Variants in EPHB1 observed in about 807,000 individuals in gnomAD.
EPHB1 encodes the protein EPH receptor B1.
EPHB1 carries 30 observed loss-of-function variants against 94.4 expected under a neutral mutation model. The ratio of observed to expected loss-of-function variants is 0.32; its 90% confidence interval spans 0.24 to 0.43. The LOEUF is 0.43. Ranked by LOEUF, EPHB1 falls within the 20% of genes least tolerant of loss-of-function variation. The pLI, the probability that EPHB1 is intolerant of heterozygous loss-of-function variation, is 1.00. For synonymous variants in EPHB1, 522 were observed against 489.1 expected (o/e 1.07, Z -0.89); for missense variants, 1,055 against 1,308.3 (o/e 0.81, Z 2.99).
chr3:135,228,876 TCTTCTTTC>T (rs1249559154), intron 12 of EPHB1, among the ~76,000 whole-genome samples: 1 of 152,174 alleles, frequency 6.6e-6, no homozygotes. Flanking sequence ...TCTCCATGTA[TCTTCTTTC>T]CTTCTTTCCT....
chr3:135,076,261 A>ATATATATATATATATATATATATG lies in EPHB1; in HGVS notation c.806-30187_806-30186insTATATATATATATATATATATATG, dbSNP rs1553729687. On this transcript the variant is annotated intron_variant, in intron 3 of 15. Transcript: ENST00000398015. ...TATATATATATATATATATATATAT[A>ATATATATATATATATATATATATG]ACTCTTAAATGCATTAGTAAAAAGT... Among the ~76,000 whole-genome samples, 16 of 112,564 alleles carry ATATATATATATATATATATATATG rather than the reference A, an allele frequency of 1.4e-4. 1 individual carries two copies. The highest frequency in any genetic ancestry group is 2.8e-4 in the South Asian group (1 of 3,604). 73.8% of individuals were successfully genotyped at this position (112,564 alleles called of 152,430 possible).
intron 12 of EPHB1, among the ~76,000 whole-genome samples, chr3:135,203,842 T>C (rs1351839812): frequency 6.6e-6 from 1 of 152,212 alleles, no homozygotes; most frequent in Non-Finnish European, 1.5e-5. Flanking sequence ...TTATGAAAGT[T>C]AGCAAACATT....
At chr3:134,952,735 GA>G (rs1000899570) in intron 3 of EPHB1, among the ~76,000 whole-genome samples, 38 of 152,282 alleles carry the variant, frequency 2.5e-4, no homozygotes, top group African/African-American at 8.7e-4. Flanking sequence ...TTTGCAGTTT[GA>G]AAATGTCAGG....
chr3:134,893,711 A>C lies in EPHB1; in HGVS notation c.59-32105A>C, dbSNP rs116554232. Among the ~76,000 whole-genome samples the C allele has an allele frequency of 8.9e-3, 1,354 of 152,328 alleles. 19 individuals are homozygous for C. Among genetic ancestry groups the C allele is most frequent in the African/African-American group, 0.027 (1,126 of 41,576 alleles). ...AGGAAATATTTTCATCCTTATGTCA[A>C]ACCAGGGCCCCCATTATCTGTTCCA... On this transcript the variant is annotated intron_variant, in intron 1 of 15. Transcript: ENST00000398015.
chr3:135,165,450 A>G (rs1236318977), intron 7 of EPHB1, among the ~76,000 whole-genome samples: 1 of 152,236 alleles, frequency 6.6e-6, no homozygotes, highest in South Asian at 2.1e-4. Context: ...GGGAACTCAG[A>G]GTGCTGGGCC....
At chr3:134,912,389 C>T (rs1421402425) in intron 1 of EPHB1, among the ~76,000 whole-genome samples, 3 of 152,196 alleles carry the variant, frequency 2.0e-5, no homozygotes, top group Non-Finnish European at 4.4e-5. Context: ...CTTTGACTCT[C>T]ACCACAAAAA....
At chr3:134,897,994 A>G (rs116595535) in intron 1 of EPHB1, among the ~76,000 whole-genome samples, 1 of 152,310 alleles carries the variant, frequency 6.6e-6, no homozygotes, top group Non-Finnish European at 1.5e-5. Context: ...CTTAGGTTCC[A>G]TGATGACTTG....
At chr3:134,802,531 A>G (rs1327731563) in intron 1 of EPHB1, among the ~76,000 whole-genome samples, 4 of 152,102 alleles carry the variant, frequency 2.6e-5, no homozygotes, top group African/African-American at 9.7e-5. Flanking sequence ...CTTAGCCAAT[A>G]TCAAGAAGGC....
chr3:134,860,749 GT>G (rs1242293991), intron 1 of EPHB1, among the ~76,000 whole-genome samples: 5 of 123,586 alleles, frequency 4.0e-5, no homozygotes, highest in African/African-American at 1.3e-4. Context: ...ATAGGCAGAG[GT>G]TGCAGTGAGC....
chr3:135,182,708 G>A (rs1392596859), intron 10 of EPHB1, among the ~76,000 whole-genome samples: 1 of 152,248 alleles, frequency 6.6e-6, no homozygotes, highest in Non-Finnish European at 1.5e-5. Flanking sequence ...AGGCGTATGA[G>A]AGAATGAGAT....
chr3:134,870,243 G>C (rs1295467893), intron 1 of EPHB1, among the ~76,000 whole-genome samples: 2 of 152,152 alleles, frequency 1.3e-5, no homozygotes, highest in Non-Finnish European at 2.9e-5. Context: ...ATCTAGACCT[G>C]ATGACCAGGG....
intron 1 of EPHB1, among the ~76,000 whole-genome samples, chr3:134,836,508 G>A (rs1192857383): frequency 6.6e-6 from 1 of 152,142 alleles, no homozygotes; most frequent in Admixed American, 6.5e-5. Context: ...AAGTATATAT[G>A]ACGTGATATA....
chr3:135,011,483 A>G (rs1935618493), intron 3 of EPHB1, among the ~76,000 whole-genome samples: 1 of 152,156 alleles, frequency 6.6e-6, no homozygotes, highest in East Asian at 1.9e-4. Context: ...TCCTCTCCAG[A>G]GTATGAATGA....
At chr3:135,185,265 G>A (rs777219607) in intron 10 of EPHB1, among the ~76,000 whole-genome samples, 3 of 152,178 alleles carry the variant, frequency 2.0e-5, no homozygotes, top group African/African-American at 4.8e-5. Context: ...ACAAAGGCCC[G>A]GGTTTCCTTG....
intron 3 of EPHB1, among the ~76,000 whole-genome samples, chr3:135,091,479 G>A (rs533280201): frequency 5.9e-5 from 9 of 152,210 alleles, no homozygotes; most frequent in Admixed American, 5.9e-4. Context: ...TGAGTGCCGG[G>A]ATTGATTAGC....
intron 1 of EPHB1, among the ~76,000 whole-genome samples, chr3:134,848,399 C>G (rs752142128): frequency 3.9e-5 from 6 of 152,158 alleles, no homozygotes. Context: ...AATTATCTCT[C>G]TAAGTGGAGA....
At chr3:135,180,594 T>G (rs998813629) in intron 10 of EPHB1, among the ~76,000 whole-genome samples, 1 of 152,334 alleles carries the variant, frequency 6.6e-6, no homozygotes, top group East Asian at 1.9e-4. Flanking sequence ...TCATCCATCT[T>G]CCTGCACTGG....
At chr3:134,889,020 C>G (rs1292196437) in intron 1 of EPHB1, among the ~76,000 whole-genome samples, 1 of 152,154 alleles carries the variant, frequency 6.6e-6, no homozygotes, top group African/African-American at 2.4e-5. Context: ...TGAAGTAGAC[C>G]CATTAGCAGC....
intron 3 of EPHB1, among the ~76,000 whole-genome samples, chr3:135,082,618 G>A (rs1576369565): frequency 6.6e-6 from 1 of 152,286 alleles, no homozygotes; most frequent in African/African-American, 2.4e-5. Context: ...TCATGGATAG[G>A]GTGGAATGTG....
Sources: allele counts gnomAD v4.1 joint callset (sites outside exome capture counted in the v4.1 genomes callset), GRCh38; gene constraint gnomAD v4.1.1; transcripts MANE v1.5; gene names NCBI Gene and HGNC (gene_info 2026-07-23, HGNC 2026-07-21).